TTC1: variants seen among roughly 807,000 people sequenced by gnomAD.
TTC1 encodes tetratricopeptide repeat protein 1.
In TTC1, 31 loss-of-function variants were observed where a neutral mutation model predicts 37.6. The ratio of observed to expected loss-of-function variants is 0.82; its 90% CI spans 0.62 to 1.11. TTC1 has a LOEUF of 1.11. Ranked by LOEUF, TTC1 falls within the 50% of genes most tolerant of loss-of-function variation. The pLI, the probability that TTC1 is intolerant of heterozygous loss-of-function variation, is 0.00. For synonymous variants in TTC1, 127 were observed against 122.4 expected (o/e 1.04, Z -0.25); for missense variants, 351 against 339.0 (o/e 1.04, Z -0.28).
At chr5:160,014,495 C>T (rs1463081244) in intron 2 of TTC1, among the ~76,000 whole-genome samples, 2 of 150,032 alleles carry the variant, frequency 1.3e-5, no homozygotes, top group Middle Eastern at 3.4e-3. Flanking sequence ...GAGACCCTGT[C>T]TTTCCAAAAA....
At chr5:160,017,950 A>G (rs914956235) in intron 2 of TTC1, among the ~76,000 whole-genome samples, 3 of 152,242 alleles carry the variant, frequency 2.0e-5, no homozygotes, top group African/African-American at 7.2e-5. Flanking sequence ...TTGGAGAATT[A>G]GGACAAAATG....
At chr5:160,036,281 A>G (rs1756997600) in intron 3 of TTC1, among the ~76,000 whole-genome samples, 1 of 152,242 alleles carries the variant, frequency 6.6e-6, no homozygotes, top group Non-Finnish European at 1.5e-5. Context: ...ACAAATATGT[A>G]TAATTTTTTT....
chr5:160,023,433 A>G (rs1457106746), intron 2 of TTC1, among the ~76,000 whole-genome samples: 1 of 152,028 alleles, frequency 6.6e-6, no homozygotes, highest in Non-Finnish European at 1.5e-5. Context: ...CTGGGACTAC[A>G]GGCATAAGCC....
intron 2 of TTC1, among the ~76,000 whole-genome samples, chr5:160,027,647 G>T (rs1456235298): frequency 6.6e-6 from 1 of 152,168 alleles, no homozygotes; most frequent in East Asian, 1.9e-4. Context: ...TAATATATTT[G>T]TGAGGCAGGT....
chr5:160,058,741 A>G (rs11135090), intron 7 of TTC1, among the ~76,000 whole-genome samples: 89,773 of 152,008 alleles, frequency 0.59, 26,547 homozygotes, highest in East Asian at 0.62. Flanking sequence ...TAATAAGACT[A>G]TAAAGTCAAA....
At chr5:160,030,140 A>G (rs780606828) in intron 2 of TTC1, among the ~76,000 whole-genome samples, 5 of 152,242 alleles carry the variant, frequency 3.3e-5, no homozygotes, top group African/African-American at 4.8e-5. Context: ...GTAATGTGGG[A>G]AAAGAACTGA....
At chr5:160,060,597 T>C (rs1753339908) in intron 7 of TTC1, among the ~76,000 whole-genome samples, 1 of 152,180 alleles carries the variant, frequency 6.6e-6, no homozygotes, top group African/African-American at 2.4e-5. Context: ...TGACAGCCAG[T>C]GGAAAGTGTG....
chr5:160,048,967 TCTCA>T (rs1757330489), intron 5 of TTC1, among the ~76,000 whole-genome samples: 1 of 151,434 alleles, frequency 6.6e-6, no homozygotes, highest in African/African-American at 2.4e-5. Context: ...AAAAATTCTC[TCTCA>T]CTCTTTCACT....
chr5:160,025,349 A>G (rs1388950747), intron 2 of TTC1, among the ~76,000 whole-genome samples: 1 of 151,934 alleles, frequency 6.6e-6, no homozygotes, highest in African/African-American at 2.4e-5. Flanking sequence ...TTTAGTAGAG[A>G]CGGGGTTTTG....
At chr5:160,038,659 C>CTTTTTT (rs541012506) in intron 4 of TTC1, among the ~76,000 whole-genome samples, 53 of 120,180 alleles carry the variant, frequency 4.4e-4, no homozygotes, top group East Asian at 1.2e-3. Context: ...AGTTGCGTTT[C>CTTTTTT]TTTTTTTTTT....
intron 2 of TTC1, among the ~76,000 whole-genome samples, chr5:160,022,284 A>G (rs1257803296): frequency 6.6e-6 from 1 of 152,186 alleles, no homozygotes; most frequent in East Asian, 1.9e-4. Flanking sequence ...CAGCCACTGC[A>G]TTGTAGTCTG....
At chr5:160,021,299 A>T (rs2113350424) in intron 2 of TTC1, among the ~76,000 whole-genome samples, 1 of 152,360 alleles carries the variant, frequency 6.6e-6, no homozygotes, top group South Asian at 2.1e-4. Context: ...CAGATGACTA[A>T]GCTTCCAAAA....
intron 7 of TTC1, among the ~76,000 whole-genome samples, chr5:160,054,040 GA>G (rs1757476350): frequency 6.6e-6 from 1 of 152,194 alleles, no homozygotes; most frequent in Non-Finnish European, 1.5e-5. Flanking sequence ...ATCACTTGAG[GA>G]AAGTGGTCAG....
At chr5:160,033,016 G>A (rs367641153) in intron 2 of TTC1, among the ~76,000 whole-genome samples, 27 of 151,998 alleles carry the variant, frequency 1.8e-4, no homozygotes, top group South Asian at 6.2e-4. Flanking sequence ...GAGCCACCAC[G>A]CCCAGCCAAG....
intron 2 of TTC1, among the ~76,000 whole-genome samples, chr5:160,018,260 C>A (rs1291759836): frequency 6.6e-6 from 1 of 152,144 alleles, no homozygotes; most frequent in Non-Finnish European, 1.5e-5. Context: ...GAATTTCCAG[C>A]CCCTAGAGCT....
chr5:160,049,375 T>C, intron 5 of TTC1, 139 bp from the exon 6 acceptor site: 2 of 738,670 alleles, frequency 2.7e-6, no homozygotes, highest in African/African-American at 1.8e-5. Context: ...AGAAAAAGTT[T>C]TCCAGCATCA....
At chr5:160,058,567 A>C (rs570143021) in intron 7 of TTC1, among the ~76,000 whole-genome samples, 1 of 152,014 alleles carries the variant, frequency 6.6e-6, no homozygotes, top group African/African-American at 2.4e-5. Flanking sequence ...CCCACCACCA[A>C]GCCCGGCTAA....
intron 4 of TTC1, 52 bp downstream of exon 4, chr5:160,036,855 T>C (rs1249819787): frequency 2.3e-6 from 3 of 1,301,068 alleles, no homozygotes; most frequent in Non-Finnish European, 3.3e-6. Flanking sequence ...TTGCAGTCTT[T>C]TCATACCATA....
chr5:160,061,247 G>A (rs960772197), intron 7 of TTC1, among the ~76,000 whole-genome samples: 6 of 152,222 alleles, frequency 3.9e-5, no homozygotes, highest in African/African-American at 1.4e-4. Flanking sequence ...GGCCTTTGGT[G>A]CCTGGTTCAA....
Sources: allele counts gnomAD v4.1 joint callset (sites outside exome capture counted in the v4.1 genomes callset), GRCh38; gene constraint gnomAD v4.1.1; transcripts MANE v1.5; gene names NCBI Gene and HGNC (gene_info 2026-07-23, HGNC 2026-07-21).